Variants in NCAM2 observed in about 807,000 individuals in gnomAD.
The protein encoded by NCAM2 is N-CAM-2.
Under a neutral mutation model 98.1 loss-of-function variants are expected in NCAM2, and 30 were observed. That is an observed-to-expected ratio of 0.31 (90% CI 0.23 to 0.41). The LOEUF is 0.41. Ranked by LOEUF, NCAM2 falls within the 10% of genes least tolerant of loss-of-function variation. The probability of loss-of-function intolerance (pLI) is 1.00; values close to 1 mark genes in which losing one functional copy is unlikely to be tolerated. For missense variants in NCAM2, 867 were observed against 1,005.8 expected, an observed-to-expected ratio of 0.86 and a Z score of 1.87; for synonymous variants, 368 against 342.4, an observed-to-expected ratio of 1.07 and a Z score of -0.83.
chr21:21,363,320 G>A (rs1568980711), intron 8 of NCAM2, among the ~76,000 whole-genome samples: 1 of 152,012 alleles, frequency 6.6e-6, no homozygotes, highest in Non-Finnish European at 1.5e-5. Context: ...GGCTAGCTTT[G>A]TTTAGATCAG....
At chr21:21,159,105 G>GA (rs1182573026) in intron 1 of NCAM2, among the ~76,000 whole-genome samples, 1 of 151,776 alleles carries the variant, frequency 6.6e-6, no homozygotes, top group African/African-American at 2.4e-5. Flanking sequence ...TAGTTTTTAA[G>GA]AAAAAATCTT....
At chr21:21,532,992 T>A (rs1378349263) in intron 16 of NCAM2, among the ~76,000 whole-genome samples, 1 of 152,020 alleles carries the variant, frequency 6.6e-6, no homozygotes, top group Non-Finnish European at 1.5e-5. Context: ...CACCCATTCT[T>A]CAAATTATGA....
At chr21:21,387,181 CACACAT>C (rs1280075846) in intron 9 of NCAM2, among the ~76,000 whole-genome samples, 17 of 71,712 alleles carry the variant, frequency 2.4e-4, no homozygotes, top group Admixed American at 7.7e-4. Context: ...GGTGCGCACA[CACACAT>C]ACACACACAC....
At chr21:21,246,189 T>C (rs1474560680) in intron 1 of NCAM2, among the ~76,000 whole-genome samples, 1 of 152,116 alleles carries the variant, frequency 6.6e-6, no homozygotes, top group East Asian at 1.9e-4. Flanking sequence ...CTCATGGGAA[T>C]TGAGGTTTCT....
chr21:21,512,929 AT>A (rs1351665425), intron 16 of NCAM2, among the ~76,000 whole-genome samples: 1 of 151,830 alleles, frequency 6.6e-6, no homozygotes, highest in African/African-American at 2.4e-5. Flanking sequence ...TTGTACGTTG[AT>A]TTTTTATCCT....
chr21:21,460,491 A>G (rs1471367436), intron 12 of NCAM2, among the ~76,000 whole-genome samples: 1 of 151,974 alleles, frequency 6.6e-6, no homozygotes, highest in East Asian at 1.9e-4. Flanking sequence ...TAATTTGGAA[A>G]AGTAAAATTT....
At chr21:21,328,687 T>A (rs1277452649) in intron 6 of NCAM2, among the ~76,000 whole-genome samples, 2 of 152,112 alleles carry the variant, frequency 1.3e-5, no homozygotes, top group Non-Finnish European at 2.9e-5. Flanking sequence ...GTGTTTGTAC[T>A]TTGAGCTGTT....
At chr21:21,202,083 G>A (rs1384798994) in intron 1 of NCAM2, among the ~76,000 whole-genome samples, 2 of 152,168 alleles carry the variant, frequency 1.3e-5, no homozygotes, top group Non-Finnish European at 2.9e-5. Context: ...TTTAAAAGGG[G>A]AAGGAGCATA....
At chr21:21,049,005 T>C (rs1196850029) in intron 1 of NCAM2, among the ~76,000 whole-genome samples, 2 of 135,534 alleles carry the variant, frequency 1.5e-5, no homozygotes, top group Non-Finnish European at 3.1e-5. Context: ...TATTTATATT[T>C]ACTATTAATT....
intron 9 of NCAM2, among the ~76,000 whole-genome samples, chr21:21,385,197 G>A (rs569398482): frequency 1.2e-4 from 18 of 151,634 alleles, no homozygotes; most frequent in African/African-American, 2.2e-4. Context: ...ATTTTATTTC[G>A]CAACAAATTC....
intron 5 of NCAM2, among the ~76,000 whole-genome samples, chr21:21,319,211 A>AT (rs1262996594): frequency 2.0e-5 from 3 of 152,220 alleles, no homozygotes; most frequent in African/African-American, 7.2e-5. Context: ...GATGGAAAAT[A>AT]TTTTTTAAAA....
intron 5 of NCAM2, among the ~76,000 whole-genome samples, chr21:21,293,494 A>G (rs906209734): frequency 7.2e-5 from 11 of 151,792 alleles, no homozygotes; most frequent in African/African-American, 2.4e-4. Flanking sequence ...GATGTCAGTC[A>G]TAGGGAAACT....
intron 1 of NCAM2, among the ~76,000 whole-genome samples, chr21:21,246,051 A>G (rs1481661080): frequency 6.6e-6 from 1 of 152,204 alleles, no homozygotes; most frequent in African/African-American, 2.4e-5. Flanking sequence ...ATTATAGCTA[A>G]AATGACAGCG....
chr21:21,047,394 A>T (rs1648904523), intron 1 of NCAM2, among the ~76,000 whole-genome samples: 2 of 152,188 alleles, frequency 1.3e-5, no homozygotes, highest in Admixed American at 6.5e-5. Context: ...TAATGAGCAG[A>T]TGTTTAATGA....
At chr21:21,171,702 A>G (rs1265846873) in intron 1 of NCAM2, among the ~76,000 whole-genome samples, 1 of 152,230 alleles carries the variant, frequency 6.6e-6, no homozygotes, top group African/African-American at 2.4e-5. Flanking sequence ...GCAAAGAAAC[A>G]AAACAATAAG....
intron 15 of NCAM2, among the ~76,000 whole-genome samples, chr21:21,482,925 G>C (rs866923592): frequency 2.0e-5 from 3 of 151,924 alleles, no homozygotes; most frequent in African/African-American, 7.2e-5. Flanking sequence ...CAAGAATATT[G>C]GGAAACTATA....
At chr21:21,362,235 G>C (rs1310784427) in intron 8 of NCAM2, among the ~76,000 whole-genome samples, 1 of 151,964 alleles carries the variant, frequency 6.6e-6, no homozygotes, top group Non-Finnish European at 1.5e-5. Flanking sequence ...AAAATGGTTA[G>C]ATTGATTCAC....
chr21:21,334,987 C>G (rs1301492270), intron 6 of NCAM2, among the ~76,000 whole-genome samples: 1 of 152,008 alleles, frequency 6.6e-6, no homozygotes, highest in Non-Finnish European at 1.5e-5. Context: ...TCATGTAATT[C>G]TCTCATCTTA....
intron 1 of NCAM2, among the ~76,000 whole-genome samples, chr21:21,124,791 G>T (rs984751302): frequency 5.0e-4 from 76 of 152,054 alleles, no homozygotes; most frequent in African/African-American, 1.7e-3. Flanking sequence ...ACTTGCTTCT[G>T]CTTCTCTTAT....
Sources: allele counts gnomAD v4.1 joint callset (sites outside exome capture counted in the v4.1 genomes callset), GRCh38; gene constraint gnomAD v4.1.1; transcripts MANE v1.5; gene names NCBI Gene and HGNC (gene_info 2026-07-23, HGNC 2026-07-21).